Variants in SORT1 observed in about 807,000 individuals in gnomAD.
The protein encoded by SORT1 is sortilin.
In SORT1, 39 loss-of-function variants were observed where a neutral mutation model predicts 101.7. That is an observed-to-expected ratio of 0.38 (90% CI 0.30 to 0.50). The LOEUF (loss-of-function observed/expected upper bound fraction) is 0.50. Ranked by LOEUF, SORT1 falls within the 20% of genes least tolerant of loss-of-function variation. SORT1 has a pLI of 0.90. For synonymous variants in SORT1, 396 were observed against 393.7 expected (o/e 1.01, Z -0.07); for missense variants, 878 against 1,040.4 (o/e 0.84, Z 2.15).
chr1:109,357,294 C>T (rs557482772), intron 3 of SORT1, among the ~76,000 whole-genome samples: 7 of 152,334 alleles, frequency 4.6e-5, no homozygotes, highest in South Asian at 2.1e-4. Context: ...TGATGCACTT[C>T]GCAGAATGTA....
chr1:109,340,146 C>CAAAAAAAAAAAAAAA (rs34790280), intron 10 of SORT1, among the ~76,000 whole-genome samples: 1 of 96,296 alleles, frequency 1.0e-5, no homozygotes, highest in Non-Finnish European at 2.1e-5. Flanking sequence ...GATTCCATCT[C>CAAAAAAAAAAAAAAA]AAAAAAAAAA....
In SORT1 at chr1:109,397,568, G is replaced by A; in HGVS notation, c.306+19C>T. 1.7e-6 allele frequency: 2 copies of A among 1,174,024 alleles called. No individual in the cohort carries two copies. The highest frequency in any genetic ancestry group is 2.4e-5 in the South Asian group (1 of 41,332). The allele number at this position is 1,174,024 out of a possible 1,614,324, so 72.7% of individuals were successfully genotyped here. On this transcript the variant is annotated intron_variant, in intron 1 of 19. Coordinates refer to ENST00000256637, the MANE Select transcript of SORT1 (RefSeq NM_002959.7). The stretch of plus-strand genomic sequence containing the variant: ...GGCACCTCGCACCCGAGCGGCTCCC[G>A]GGCCCGGCGCCCGCTCACCTGGTGC...
chr1:109,355,242 A>G, intron 4 of SORT1, 125 bp downstream of exon 4: 1 of 643,678 alleles, frequency 1.6e-6, no homozygotes, highest in South Asian at 1.8e-5. Flanking sequence ...ATTTTAAAAT[A>G]TAAATATAGC....
chr1:109,342,082 T>C lies in SORT1; in HGVS notation c.1040A>G (p.Gln347Arg). The change falls in exon 9 of 20, where the codon CAG becomes CGG. Residue 347 changes from glutamine to arginine, a missense_variant. By Grantham distance (43) the Gln-to-Arg change is conservative. This residue lies in a region of SORT1 where 684 missense variants were observed against 894.5 expected (regional missense o/e 0.76). Transcript: ENST00000256637. ...TGCCAGAATAGAATAGAACTGTTCC[T>C]GTCCCACGGAGGGGAGCTGGGCCAT... Reference protein sequence around the residue: ...WSMAQLPSVGQEQFYSILAAN... With the variant: ...WSMAQLPSVGREQFYSILAAN... 1 of 1,613,564 alleles carries C rather than the reference T, an allele frequency of 6.2e-7. No homozygotes were observed. The highest frequency in any genetic ancestry group is 2.2e-5 in the East Asian group (1 of 44,882).
chr1:109,393,911 T>C (rs1653048816), intron 1 of SORT1, among the ~76,000 whole-genome samples: 1 of 151,798 alleles, frequency 6.6e-6, no homozygotes, highest in Non-Finnish European at 1.5e-5. Context: ...ATTATGTATA[T>C]ATAATTTAAC....
chr1:109,342,728 A>G (rs1649311167), intron 8 of SORT1, among the ~76,000 whole-genome samples: 1 of 152,156 alleles, frequency 6.6e-6, no homozygotes, highest in Admixed American at 6.5e-5. Flanking sequence ...CATGGGCTGG[A>G]AAGAGGCCAA....
intron 13 of SORT1, among the ~76,000 whole-genome samples, chr1:109,326,428 A>AATAT (rs1166570516): frequency 0.011 from 763 of 70,738 alleles, 3 homozygotes; most frequent in Non-Finnish European, 0.012. Flanking sequence ...AGACAGAAAG[A>AATAT]ATATATATAT....
In SORT1 at chr1:109,322,986, T is replaced by TA; in HGVS notation, c.1969dup (p.Tyr657LeufsTer20). The TA allele has an allele frequency of 6.2e-7, 1 of 1,614,168 alleles. No homozygotes were observed. The highest frequency in any genetic ancestry group is 8.5e-7 in the Non-Finnish European group (1 of 1,180,010). On this transcript the variant is annotated frameshift_variant, in exon 15 of 20. Transcript: ENST00000256637. LOFTEE classifies it high-confidence loss of function. ...GATGGAGGGCTGCTTGGTCACAACA[T>TA]AGTCTCGACCATTCTGACACACGGA...
intron 6 of SORT1, among the ~76,000 whole-genome samples, chr1:109,348,664 T>C (rs770793877): frequency 6.6e-6 from 1 of 152,110 alleles, no homozygotes; most frequent in Non-Finnish European, 1.5e-5. Context: ...TTTTTTTTCA[T>C]TAATTTTTTG....
rs1051722155 is a variant in SORT1, at chr1:109,374,024, GGCTACAGTGA to G, written c.307-4445_307-4436del. Among the ~76,000 whole-genome samples the G allele has an allele frequency of 3.3e-5, 5 of 152,254 alleles. No homozygotes were observed. The South Asian group carries it at 8.3e-4, about 25-fold the overall frequency. On this transcript the variant is annotated intron_variant, in intron 1 of 19. Transcript: ENST00000256637. Reference sequence around the variant, plus strand: ...GGATCTCTTGAGCCCAGGAGTTTGAGGCTACAGTGAGCTATGATCATACCACTGCACTCCA... The same window carrying G: ...GGATCTCTTGAGCCCAGGAGTTTGAGGCTATGATCATACCACTGCACTCCA...
chr1:109,348,367 CCTGG>C (rs1425161583), intron 6 of SORT1, among the ~76,000 whole-genome samples: 1 of 151,450 alleles, frequency 6.6e-6, no homozygotes, highest in African/African-American at 2.4e-5. Context: ...ACAGCAGCAT[CCTGG>C]TTATTCATAT....
intron 10 of SORT1, among the ~76,000 whole-genome samples, chr1:109,339,946 C>G (rs112847776): frequency 0.077 from 11,749 of 152,072 alleles, 497 homozygotes; most frequent in South Asian, 0.13. Context: ...GTCAGGAGCT[C>G]GAGACCAACC....
intron 16 of SORT1, among the ~76,000 whole-genome samples, 175 bp downstream of exon 16, chr1:109,317,678 A>G (rs573029349): frequency 1.3e-5 from 2 of 152,246 alleles, no homozygotes; most frequent in South Asian, 4.2e-4. Context: ...CCAAGCACTC[A>G]TGGCTCACCT....
chr1:109,339,561 T>C (rs1463603957), intron 10 of SORT1, among the ~76,000 whole-genome samples: 2 of 152,202 alleles, frequency 1.3e-5, no homozygotes, highest in African/African-American at 4.8e-5. Flanking sequence ...TTCACTCCCA[T>C]TAGGAGTGCT....
Position 109,317,940 on chromosome 1 carries a change from T to C in SORT1, c.2054A>G (p.Asp685Gly). The C allele has an allele frequency of 2.5e-6, 4 of 1,613,818 alleles. No individual in the cohort carries two copies. Among genetic ancestry groups the C allele is most frequent in the Non-Finnish European group, 3.4e-6 (4 of 1,179,796 alleles). Residue 685 changes from aspartate (D) to glycine (G), a missense_variant, in exon 16 of 20, where the codon GAC (aspartate) becomes GGC (glycine). Coordinates refer to ENST00000256637, the MANE Select transcript of SORT1 (RefSeq NM_002959.7). ...TTCTGGCTGTTCCACACACTTGGAG[T>C]CATTTTCTGGACGGTAGTAGCCAAA... ...CDFGYYRPEN[D>G]SKCVEQPELK...
At chr1:109,315,474 C>T (rs1460456629) in intron 17 of SORT1, among the ~76,000 whole-genome samples, 1 of 151,942 alleles carries the variant, frequency 6.6e-6, no homozygotes, top group East Asian at 1.9e-4. Flanking sequence ...AGGAGGAACT[C>T]GCCCCCTTAC....
rs1366428797 is a variant in SORT1 at position 109,314,359 on chromosome 1, GCA to G, written c.2381_2382del (p.Val794AlafsTer23). 2 of 1,613,922 alleles carry G rather than the reference GCA, an allele frequency of 1.2e-6. No homozygotes were observed. The highest frequency in any genetic ancestry group is 1.7e-6 in the Non-Finnish European group (2 of 1,179,974). ...GGRFLVHRYS[V>X]LQQHAEANGV... Reference sequence around the variant, plus strand: ...CCATTGGCCTCTGCATGCTGCTGCAGCACAGAGTATCGATGCACCAGGAACCT... The same window carrying G: ...CCATTGGCCTCTGCATGCTGCTGCAGCAGAGTATCGATGCACCAGGAACCT... On this transcript the variant is annotated frameshift_variant, in exon 19 of 20. Coordinates refer to ENST00000256637, the MANE Select transcript of SORT1 (RefSeq NM_002959.7). LOFTEE classifies it high-confidence loss of function.
intron 14 of SORT1, 66 bp downstream of exon 14, chr1:109,324,833 C>T: frequency 4.7e-6 from 5 of 1,071,544 alleles, no homozygotes; most frequent in Admixed American, 4.4e-5. Context: ...GAAATTAAAC[C>T]ATATTGATTA....
chr1:109,376,196 G>A (rs1385073797), intron 1 of SORT1, among the ~76,000 whole-genome samples: 3 of 152,048 alleles, frequency 2.0e-5, no homozygotes, highest in South Asian at 2.1e-4. Flanking sequence ...CGGGCGTGGC[G>A]GCGGGCGCCT....
Sources: gnomAD v4.1 joint callset for allele counts (sites outside exome capture counted in the v4.1 genomes callset) on GRCh38, gnomAD v4.1.1 for gene constraint, gnomAD v4.1.1 regional missense constraint, MANE v1.5 for transcripts, NCBI Gene and HGNC (gene_info 2026-07-23, HGNC 2026-07-21) for gene names.